Variants in TM7SF3 observed in about 807,000 individuals in gnomAD.
TM7SF3 encodes the protein transmembrane 7 superfamily member 3, also known as seven span transmembrane protein.
Under a neutral mutation model 65.5 loss-of-function variants are expected in TM7SF3, and 60 were observed. That is an observed-to-expected ratio of 0.92 (90% CI 0.74 to 1.14). The LOEUF (loss-of-function observed/expected upper bound fraction) is 1.14, where lower values mean the gene tolerates loss of function less well. Ranked by LOEUF, TM7SF3 falls within the 50% of genes most tolerant of loss-of-function variation. TM7SF3 has a pLI of 0.00. For missense variants in TM7SF3, 623 were observed against 684.8 expected, an observed-to-expected ratio of 0.91 and a Z score of 1.01; for synonymous variants, 264 against 259.6, an observed-to-expected ratio of 1.02 and a Z score of -0.16.
At chr12:26,991,925 C>T (rs536711120) in intron 5 of TM7SF3, among the ~76,000 whole-genome samples, 14 of 152,174 alleles carry the variant, frequency 9.2e-5, no homozygotes, top group Non-Finnish European at 1.5e-4. Context: ...TCAAATTTAA[C>T]GTGCTTGTGA....
rs1466131777 is a variant in TM7SF3 at position 26,972,511 on chromosome 12, G to C, written c.*1454C>G. 1 of 151,878 alleles carries C rather than the reference G, an allele frequency of 6.6e-6. No homozygotes were observed. The highest frequency in any genetic ancestry group is 1.9e-4 in the East Asian group (1 of 5,164). The allele number at this position is 151,878 out of a possible 1,614,324, so 9.4% of individuals were successfully genotyped here. A position where few individuals can be genotyped will look rare whatever the true frequency, so the allele number is the denominator to read the frequency against. On this transcript the variant is annotated 3_prime_UTR_variant, in exon 12 of 12. Transcript: ENST00000343028. The stretch of plus-strand genomic sequence containing the variant: ...GCTCACTGCAACCTCTGCCTCCTGG[G>C]TTCAAGCGATTCTCCTGCCTCAGCC...
intron 7 of TM7SF3, among the ~76,000 whole-genome samples, chr12:26,981,142 A>G (rs150860652): frequency 1.8e-3 from 280 of 152,344 alleles, no homozygotes; most frequent in African/African-American, 6.4e-3. Context: ...AGAATGATCA[A>G]TCATTACCTT....
At chr12:26,981,485 G>A (rs1421266661) in intron 7 of TM7SF3, among the ~76,000 whole-genome samples, 3 of 151,778 alleles carry the variant, frequency 2.0e-5, no homozygotes, top group African/African-American at 7.3e-5. Context: ...CTCCAGCCTA[G>A]GAGACACAGT....
At chr12:26,988,738 T>G (rs1592287000) in intron 6 of TM7SF3, among the ~76,000 whole-genome samples, 1 of 150,058 alleles carries the variant, frequency 6.7e-6, no homozygotes, top group African/African-American at 2.4e-5. Context: ...AGTCGGCCCC[T>G]GAACAACACG....
chr12:26,975,582 AG>A lies in TM7SF3; in HGVS notation c.1363del (p.Leu455PhefsTer6), dbSNP rs1283966114. 6.2e-7 allele frequency: 1 copy of A among 1,614,174 alleles called. No homozygotes were observed. Among genetic ancestry groups the A allele is most frequent in the South Asian group, 1.1e-5 (1 of 91,080 alleles). On this transcript the variant is annotated frameshift_variant, in exon 11 of 12. Transcript: ENST00000343028. LOFTEE classifies it high-confidence loss of function. The stretch of plus-strand genomic sequence containing the variant: ...GAGTACGTTCAAAGTGATGTAGGAA[AG>A]GCTTGTGGACCAGTAACTGTCAATG... ...LAIDSYWSTS[L>X]SYITLNVLKR...
intron 1 of TM7SF3, among the ~76,000 whole-genome samples, chr12:27,007,401 A>AT (rs1212131095): frequency 2.6e-5 from 4 of 151,990 alleles, no homozygotes; most frequent in African/African-American, 4.8e-5. Flanking sequence ...ATTTTAAGTG[A>AT]TTTTTTTTCT....
At chr12:27,013,894 C>T (rs1941339914) in intron 1 of TM7SF3, among the ~76,000 whole-genome samples, 184 bp downstream of exon 1, 1 of 152,194 alleles carries the variant, frequency 6.6e-6, no homozygotes, top group Non-Finnish European at 1.5e-5. Flanking sequence ...GTAAGACCTC[C>T]TTAGCCATGA....
intron 6 of TM7SF3, among the ~76,000 whole-genome samples, chr12:26,986,383 C>G (rs140254133): frequency 6.6e-6 from 1 of 152,084 alleles, no homozygotes; most frequent in African/African-American, 2.4e-5. Context: ...CCTTGCCCCT[C>G]ATGTTTCCTC....
chr12:26,974,102 G>GCT lies in TM7SF3; in HGVS notation c.1574_1575dup (p.Arg526SerfsTer4). 1.9e-6 allele frequency: 3 copies of GCT among 1,614,080 alleles called. No homozygotes were observed. Among genetic ancestry groups the GCT allele is most frequent in the Non-Finnish European group, 2.5e-6 (3 of 1,180,004 alleles). On this transcript the variant is annotated frameshift_variant, in exon 12 of 12. Transcript: ENST00000343028. LOFTEE classifies it high-confidence loss of function. ...GGGTCCAGAATGTTTGTCACTCGGCGCTCTCTCTCTTGCTTCCATAACTTG... is the reference window on the plus strand; with the variant it reads ...GGGTCCAGAATGTTTGTCACTCGGCGCTCTCTCTCTCTTGCTTCCATAACTTG...
Position 26,995,263 on chromosome 12 carries a change from G to A in TM7SF3, c.664C>T (p.Pro222Ser). 6.2e-7 allele frequency: 1 copy of A among 1,614,060 alleles called. No individual in the cohort carries two copies. Among genetic ancestry groups the A allele is most frequent in the African/African-American group, 1.3e-5 (1 of 75,014 alleles). The change falls in exon 5 of 12, where the codon CCC (proline) becomes TCC (serine). Residue 222 changes from proline (P) to serine (S), a missense_variant. Transcript: ENST00000343028. ...TTGAGAGCACTGGCCTTCACCTGGG[G>A]CACACTGACCATCCTCTGCAGATGC... ...LKHLQRMVSV[P>S]QVKASALKVV...
At position 26,972,859 on chromosome 12, in the gene TM7SF3, G is replaced by GA. The variant is rs997360359; in HGVS notation, c.*1105dup. On this transcript the variant is annotated 3_prime_UTR_variant, in exon 12 of 12. Coordinates refer to ENST00000343028, the MANE Select transcript of TM7SF3 (RefSeq NM_016551.3). ...TGTTGACACTATTTGAAAAGGCCTTGAAAAAAAAAAGGGGGCCATTATTTG... is the reference window on the plus strand; with the variant it reads ...TGTTGACACTATTTGAAAAGGCCTTGAAAAAAAAAAAGGGGGCCATTATTTG... Among the ~76,000 whole-genome samples, 35 of 142,726 alleles carry GA rather than the reference G, an allele frequency of 2.5e-4. 1 individual carries two copies. The highest frequency in any genetic ancestry group is 2.0e-3 in the South Asian group (9 of 4,510). 93.6% of individuals were successfully genotyped at this position (142,726 alleles called of 152,430 possible). A position where few individuals can be genotyped will look rare whatever the true frequency, so the allele number is the denominator to read the frequency against.
Position 26,973,885 on chromosome 12 carries a change from T to C in TM7SF3, c.*80A>G, listed in dbSNP as rs2136371089. Reference sequence around the variant, plus strand: ...ACAGATATATATGCCTGATCTCTTATTAGACTTGCACCAGAGACTGTTGAA... The same window carrying C: ...ACAGATATATATGCCTGATCTCTTACTAGACTTGCACCAGAGACTGTTGAA... On this transcript the variant is annotated 3_prime_UTR_variant, in exon 12 of 12. Transcript: ENST00000343028. 1.3e-6 allele frequency: 2 copies of C among 1,526,552 alleles called. No individual in the cohort carries two copies. Among genetic ancestry groups the C allele is most frequent in the East Asian group, 2.3e-5 (1 of 44,434 alleles). The allele number at this position is 1,526,552 out of a possible 1,614,324, so 94.6% of individuals were successfully genotyped here.
chr12:26,980,399 C>G, intron 8 of TM7SF3, 167 bp downstream of exon 8: 1 of 602,478 alleles, frequency 1.7e-6, no homozygotes, highest in Non-Finnish European at 2.9e-6. Flanking sequence ...CCCAGAAGGT[C>G]TGAATGAGTA....
In TM7SF3 at chr12:26,974,200, A is replaced by G. The variant is rs755262789; in HGVS notation, c.1478T>C (p.Met493Thr). ...NDFIILAVWG[M>T]LAVSGITLQI... ...TAACGTAATTCCACTTACAGCCAGC[A>G]TGCCCCATACTGCCAGGATAATGAA... is the stretch of plus-strand genomic sequence containing the variant. Residue 493 changes from methionine to threonine, a missense_variant, in exon 12 of 12, where the codon ATG (methionine) becomes ACG (threonine). Transcript: ENST00000343028. The G allele has an allele frequency of 1.9e-6, 3 of 1,614,212 alleles. No individual in the cohort carries two copies. Among genetic ancestry groups the G allele is most frequent in the Non-Finnish European group, 1.7e-6 (2 of 1,180,030 alleles).
chr12:27,012,162 G>A lies in TM7SF3; in HGVS notation c.91+1916C>T, dbSNP rs184402393. On this transcript the variant is annotated intron_variant, in intron 1 of 11. Coordinates refer to ENST00000343028, the MANE Select transcript of TM7SF3 (RefSeq NM_016551.3). ...TATTGGAAGACAGCTTTACGGAAGTGGAAGGACTATGAAATTTGCAGGGAG... is the reference window on the plus strand; with the variant it reads ...TATTGGAAGACAGCTTTACGGAAGTAGAAGGACTATGAAATTTGCAGGGAG... Among the ~76,000 whole-genome samples, 10 of 152,290 alleles carry A rather than the reference G, an allele frequency of 6.6e-5. No individual in the cohort carries two copies. In the East Asian group the frequency reaches 9.6e-4, roughly 15 times the overall value.
intron 1 of TM7SF3, chr12:27,012,922 C>T (rs957831504): frequency 3.0e-5 from 10 of 337,158 alleles, no homozygotes; most frequent in Middle Eastern, 1.1e-3. Context: ...TGCTTGAACC[C>T]GGGTGTCGGA....
At chr12:26,990,101 G>C (rs1045138445) in intron 6 of TM7SF3, among the ~76,000 whole-genome samples, 1 of 152,148 alleles carries the variant, frequency 6.6e-6, no homozygotes, top group Non-Finnish European at 1.5e-5. Context: ...CCAGGTACGT[G>C]CGTGGTGCAT....
intron 6 of TM7SF3, among the ~76,000 whole-genome samples, chr12:26,984,551 A>G (rs981204531): frequency 6.6e-6 from 1 of 152,186 alleles, no homozygotes; most frequent in Non-Finnish European, 1.5e-5. Context: ...TTTTTACACC[A>G]AAACCATTAA....
intron 1 of TM7SF3, among the ~76,000 whole-genome samples, chr12:27,012,383 C>G (rs1192675422): frequency 6.6e-6 from 1 of 152,054 alleles, no homozygotes; most frequent in Non-Finnish European, 1.5e-5. Flanking sequence ...AAAAAAGTTG[C>G]CCTTTTCAGC....
Sources: allele counts gnomAD v4.1 joint callset (sites outside exome capture counted in the v4.1 genomes callset), GRCh38; gene constraint gnomAD v4.1.1; transcripts MANE v1.5; gene names NCBI Gene and HGNC (gene_info 2026-07-23, HGNC 2026-07-21).